The following COL24A1 variants were observed in gnomAD, a reference collection of about 807,000 sequenced individuals.
COL24A1 encodes collagen type XXIV alpha 1 chain, also known as collagen alpha-1(XXIV) chain.
Under a neutral mutation model 253.9 loss-of-function variants are expected in COL24A1, and 224 were observed. The observed-to-expected ratio is 0.88, with a 90% confidence interval of 0.79 to 0.99. The LOEUF is 0.99. COL24A1 is among the 50% of genes least tolerant of loss of function. The pLI is 0.00. For synonymous variants in COL24A1, 685 were observed against 673.7 expected (o/e 1.02, Z -0.26); for missense variants, 2,131 against 2,068.5 (o/e 1.03, Z -0.59).
intron 2 of COL24A1, among the ~76,000 whole-genome samples, chr1:86,127,104 G>C (rs1336672635): frequency 1.3e-5 from 2 of 152,006 alleles, no homozygotes; most frequent in Non-Finnish European, 2.9e-5. Flanking sequence ...GGTTACCAAA[G>C]TCCTTTGATA....
Position 86,125,531 on chromosome 1 carries a change from G to C in COL24A1, c.805C>G (p.Pro269Ala), listed in dbSNP as rs1401909836. 1 of 1,613,524 alleles carries C rather than the reference G, an allele frequency of 6.2e-7. No individual in the cohort carries two copies. Among genetic ancestry groups the C allele is most frequent in the African/African-American group, 1.3e-5 (1 of 74,866 alleles). The change falls in exon 3 of 60, where the codon CCC becomes GCC. Residue 269 changes from proline (P) to alanine (A), a missense_variant. Pro to Ala is a conservative substitution (Grantham distance 27). Transcript: ENST00000370571. ...TTTTCAGCAAATAGTTTGGGCGGGG[G>C]AGAGTGTTCCGGTATCTTTGTTGGT... The part of the protein sequence containing the change: ...LIPTKIPEHS[P>A]PPKLFAEKVL...
chr1:85,744,997 T>A (rs1372017856), intron 56 of COL24A1, among the ~76,000 whole-genome samples, 163 bp from the exon 57 acceptor site: 1 of 151,976 alleles, frequency 6.6e-6, no homozygotes, highest in Admixed American at 6.6e-5. Flanking sequence ...TTTAATAACC[T>A]TAATCTTTTA....
chr1:86,099,136 GA>G (rs1409633532), intron 5 of COL24A1, among the ~76,000 whole-genome samples: 1 of 151,914 alleles, frequency 6.6e-6, no homozygotes, highest in Non-Finnish European at 1.5e-5. Context: ...AACTAAATTA[GA>G]AAAATAATAA....
At chr1:86,040,218 A>G (rs74406649) in intron 12 of COL24A1, among the ~76,000 whole-genome samples, 2,241 of 152,180 alleles carry the variant, frequency 0.015, 54 homozygotes, top group African/African-American at 0.051. Context: ...CCTAGAGAAT[A>G]TAATCCCTGA....
At chr1:86,099,272 T>C (rs921731057) in intron 5 of COL24A1, among the ~76,000 whole-genome samples, 3 of 152,186 alleles carry the variant, frequency 2.0e-5, no homozygotes, top group Non-Finnish European at 4.4e-5. Context: ...GGAAACTTTA[T>C]AACTTTAAAT....
chr1:86,012,204 T>C (rs1175743598), intron 19 of COL24A1, among the ~76,000 whole-genome samples: 1 of 152,196 alleles, frequency 6.6e-6, no homozygotes, highest in Non-Finnish European at 1.5e-5. Context: ...ATAAATCACT[T>C]TCTATAGCTG....
intron 37 of COL24A1, among the ~76,000 whole-genome samples, chr1:85,858,092 G>C (rs1476260033): frequency 6.6e-6 from 1 of 152,232 alleles, no homozygotes; most frequent in South Asian, 2.1e-4. Context: ...CACTATCACT[G>C]TGTTTTCTCA....
At chr1:85,846,287 A>G (rs1018692032) in intron 39 of COL24A1, among the ~76,000 whole-genome samples, 1 of 151,870 alleles carries the variant, frequency 6.6e-6, no homozygotes, top group African/African-American at 2.4e-5. Flanking sequence ...TAAAGTTATA[A>G]AAGTATTAGA....
intron 24 of COL24A1, among the ~76,000 whole-genome samples, chr1:85,957,877 G>T (rs1361103528): frequency 1.3e-5 from 2 of 152,150 alleles, no homozygotes; most frequent in Non-Finnish European, 2.9e-5. Flanking sequence ...TAATAAACAT[G>T]GTCCTAAATG....
rs1689487078 is a variant in COL24A1 at position 85,947,929 on chromosome 1, C to T, written c.2562+13320G>A. On this transcript the variant is annotated intron_variant, in intron 24 of 59. Transcript: ENST00000370571. The stretch of plus-strand genomic sequence containing the variant: ...AAGAATTTATTTCATTATGTTTTCC[C>T]CTCAGGCCATTGTATTTCTTTGAAA... 2.0e-5 allele frequency among the ~76,000 whole-genome samples: 3 copies of T among 149,606 alleles called. No individual in the cohort carries two copies. The Admixed American group carries it at 2.0e-4, about 10-fold the overall frequency.
intron 37 of COL24A1, among the ~76,000 whole-genome samples, chr1:85,854,876 G>C (rs1678249284): frequency 6.6e-6 from 1 of 151,954 alleles, no homozygotes; most frequent in Admixed American, 6.6e-5. Context: ...GCTAATTTTT[G>C]TATTTTTAGT....
Position 86,011,479 on chromosome 1 carries a change from TCTC to T in COL24A1, c.2310+5669_2310+5671del, listed in dbSNP as rs1433428689. ...GACTATCTTCTAAGTTACCTGCCCT[TCTC>T]CTACTCTTATCTCAGGCTCCTTCAT... On this transcript the variant is annotated intron_variant, in intron 19 of 59. Coordinates refer to ENST00000370571, the MANE Select transcript of COL24A1 (RefSeq NM_152890.7). 1.4e-4 allele frequency among the ~76,000 whole-genome samples: 22 copies of T among 152,340 alleles called. No homozygotes were observed. In the South Asian group the frequency reaches 2.3e-3, roughly 16 times the overall value.
chr1:86,008,636 T>C (rs1428877470), intron 19 of COL24A1, among the ~76,000 whole-genome samples: 1 of 152,150 alleles, frequency 6.6e-6, no homozygotes, highest in Non-Finnish European at 1.5e-5. Flanking sequence ...ACTAGGGGTA[T>C]TACAATACAA....
chr1:85,908,819 C>A (rs1685093183), intron 26 of COL24A1, among the ~76,000 whole-genome samples, 168 bp from the exon 27 acceptor site: 1 of 151,404 alleles, frequency 6.6e-6, no homozygotes. Flanking sequence ...TGCAGATAGA[C>A]CATAGAAATA....
intron 22 of COL24A1, among the ~76,000 whole-genome samples, chr1:85,968,724 T>C (rs1394076818): frequency 1.3e-5 from 2 of 152,146 alleles, no homozygotes; most frequent in Non-Finnish European, 2.9e-5. Context: ...TCTTTAATAA[T>C]ACTCTTTCAA....
chr1:85,925,721 T>C (rs1336769694), intron 24 of COL24A1, among the ~76,000 whole-genome samples: 3 of 152,126 alleles, frequency 2.0e-5, no homozygotes, highest in Non-Finnish European at 2.9e-5. Context: ...ATAAAAACCC[T>C]AGAAGAAAAC....
intron 55 of COL24A1, among the ~76,000 whole-genome samples, chr1:85,747,708 A>C (rs1037031058): frequency 2.6e-5 from 4 of 152,154 alleles, no homozygotes; most frequent in African/African-American, 9.7e-5. Context: ...GAAAAAAGAA[A>C]AGTATTTAAG....
chr1:85,823,931 G>GTTTT (rs1189663301), intron 43 of COL24A1, among the ~76,000 whole-genome samples, 193 bp from the exon 44 acceptor site: 1 of 151,924 alleles, frequency 6.6e-6, no homozygotes, highest in Non-Finnish European at 1.5e-5. Context: ...ACAAGTTAGG[G>GTTTT]TTTTCTTTCT....
rs544682847 is a variant in COL24A1 at position 85,968,339 on chromosome 1, A to T, written c.2463+1888T>A. Among the ~76,000 whole-genome samples, 5 of 152,276 alleles carry T rather than the reference A, an allele frequency of 3.3e-5. No homozygotes were observed. In the East Asian group the frequency reaches 9.6e-4, roughly 29 times the overall value. Reference sequence around the variant, plus strand: ...ATATTGGATTTTATTGCTGTTGTCAATTAAGACATGCTCTTATATTTTTTC... The same window carrying T: ...ATATTGGATTTTATTGCTGTTGTCATTTAAGACATGCTCTTATATTTTTTC... On this transcript the variant is annotated intron_variant, in intron 22 of 59. Transcript: ENST00000370571.
Sources: allele counts gnomAD v4.1 joint callset (sites outside exome capture counted in the v4.1 genomes callset), GRCh38; gene constraint gnomAD v4.1.1; transcripts MANE v1.5; gene names NCBI Gene and HGNC (gene_info 2026-07-23, HGNC 2026-07-21).